Variants in NBEA observed in about 807,000 individuals in gnomAD.
NBEA encodes lysosomal-trafficking regulator 2.
In NBEA, 44 loss-of-function variants were observed where a neutral mutation model predicts 343.4. That is an observed-to-expected ratio of 0.13 (90% CI 0.10 to 0.16). The LOEUF is 0.16. NBEA is among the 10% of genes least tolerant of loss of function. The pLI, the probability that NBEA is intolerant of heterozygous loss-of-function variation, is 1.00. For missense variants in NBEA, 2,555 were observed against 3,631.3 expected, an observed-to-expected ratio of 0.70 and a Z score of 7.62; for synonymous variants, 1,175 against 1,238.7, an observed-to-expected ratio of 0.95 and a Z score of 1.08.
chr13:35,257,700 TA>T (rs1301903954), intron 34 of NBEA, among the ~76,000 whole-genome samples: 1 of 152,184 alleles, frequency 6.6e-6, no homozygotes, highest in African/African-American at 2.4e-5. Flanking sequence ...AAATCATTCT[TA>T]AAAAAATTTA....
At position 35,475,056 on chromosome 13, in the gene NBEA, C is replaced by T. The variant is rs992598508; in HGVS notation, c.6585+2520C>T. The T allele has an allele frequency of 8.7e-6, 14 of 1,609,784 alleles. No homozygotes were observed. In the South Asian group the frequency reaches 1.5e-4, roughly 18 times the overall value. On this transcript the variant is annotated intron_variant, in intron 41 of 58. Transcript: ENST00000379939. ...TAATTTCGGCTCTTGATTAAATCAT[C>T]CTCTAAAGTTTTTCCAAACTTTTCG...
intron 32 of NBEA, 64 bp from the exon 33 acceptor site, chr13:35,210,989 G>C (rs2073736344): frequency 6.8e-7 from 1 of 1,466,208 alleles, no homozygotes; most frequent in East Asian, 2.5e-5. Flanking sequence ...GATAGTAATG[G>C]TGTAATTAAA....
intron 49 of NBEA, among the ~76,000 whole-genome samples, chr13:35,644,194 CAAAA>C (rs2084105878): frequency 1.3e-5 from 2 of 152,112 alleles, no homozygotes; most frequent in African/African-American, 4.8e-5. Context: ...AGTATAGTCT[CAAAA>C]GAAATAAACG....
At chr13:35,392,824 G>A (rs993259208) in intron 38 of NBEA, among the ~76,000 whole-genome samples, 5 of 152,118 alleles carry the variant, frequency 3.3e-5, no homozygotes, top group African/African-American at 7.2e-5. Flanking sequence ...GAATGGTATC[G>A]TGCCTAGACC....
chr13:34,961,891 G>C (rs1205320505), intron 1 of NBEA, among the ~76,000 whole-genome samples: 1 of 152,018 alleles, frequency 6.6e-6, no homozygotes, highest in African/African-American at 2.4e-5. Flanking sequence ...CATGTGGCTA[G>C]TGAGCATTTA....
intron 47 of NBEA, among the ~76,000 whole-genome samples, chr13:35,603,752 A>G (rs976796318): frequency 1.1e-4 from 17 of 152,318 alleles, no homozygotes; most frequent in Admixed American, 9.2e-4. Context: ...ATGTGAGTCT[A>G]GTACATATAA....
intron 41 of NBEA, among the ~76,000 whole-genome samples, chr13:35,498,424 A>G (rs1325641580): frequency 3.3e-5 from 5 of 152,066 alleles, no homozygotes; most frequent in Non-Finnish European, 5.9e-5. Flanking sequence ...CTGATGGAAT[A>G]AGCCATAGTG....
chr13:35,216,357 A>C (rs930004700), intron 33 of NBEA, among the ~76,000 whole-genome samples: 2 of 151,912 alleles, frequency 1.3e-5, no homozygotes, highest in Admixed American at 1.3e-4. Flanking sequence ...TCATTTGCTT[A>C]TGTATTGCCT....
At chr13:35,151,114 TAAAAA>T (rs11450264) in intron 18 of NBEA, among the ~76,000 whole-genome samples, 1 of 134,828 alleles carries the variant, frequency 7.4e-6, no homozygotes, top group Non-Finnish European at 1.6e-5. Context: ...ACACTGGCTC[TAAAAA>T]AAAAAAAAAA....
At chr13:34,963,116 G>A (rs184920500) in intron 1 of NBEA, among the ~76,000 whole-genome samples, 2 of 151,958 alleles carry the variant, frequency 1.3e-5, no homozygotes, top group Non-Finnish European at 2.9e-5. Flanking sequence ...TTATATTAAC[G>A]TGAGTCTCTT....
intron 7 of NBEA, among the ~76,000 whole-genome samples, chr13:35,056,767 C>G (rs981490559): frequency 1.3e-5 from 2 of 152,084 alleles, no homozygotes; most frequent in African/African-American, 4.8e-5. Context: ...CCTTCATAAG[C>G]AAACAAGGCC....
At chr13:35,024,841 A>G (rs1437476374) in intron 1 of NBEA, among the ~76,000 whole-genome samples, 1 of 151,954 alleles carries the variant, frequency 6.6e-6, no homozygotes, top group African/African-American at 2.4e-5. Flanking sequence ...AACATCTATT[A>G]TTTGCTGATT....
At chr13:35,563,515 A>G (rs1356272231) in intron 44 of NBEA, among the ~76,000 whole-genome samples, 1 of 151,930 alleles carries the variant, frequency 6.6e-6, no homozygotes, top group East Asian at 1.9e-4. Context: ...CATTAAATAC[A>G]TTGTGCATTT....
chr13:35,380,896 T>C (rs1238512410), intron 38 of NBEA, among the ~76,000 whole-genome samples: 2 of 152,156 alleles, frequency 1.3e-5, no homozygotes, highest in African/African-American at 2.4e-5. Context: ...TAGTCATAGG[T>C]TGTTTGTTTC....
At chr13:35,622,990 A>G (rs2083062203) in intron 48 of NBEA, among the ~76,000 whole-genome samples, 1 of 152,204 alleles carries the variant, frequency 6.6e-6, no homozygotes, top group Non-Finnish European at 1.5e-5. Flanking sequence ...TTATCCATCT[A>G]AGAGATATCC....
At chr13:35,115,078 A>G (rs978053607) in intron 13 of NBEA, among the ~76,000 whole-genome samples, 1 of 152,078 alleles carries the variant, frequency 6.6e-6, no homozygotes, top group Non-Finnish European at 1.5e-5. Flanking sequence ...GAGATATATT[A>G]AAAATATTAT....
In NBEA at chr13:35,159,925, G is replaced by T. The variant is rs957955107; in HGVS notation, c.3754G>T (p.Val1252Leu). Reference sequence around the variant, plus strand: ...AACTGAGTCTTCTAGTAGCAAAATTGTACCAAATATTGATGCAGGAAGTAT... The same window carrying T: ...AACTGAGTCTTCTAGTAGCAAAATTTTACCAAATATTGATGCAGGAAGTAT... ...LETESSSSKI[V>L]PNIDAGSIIS... The change falls in exon 22 of 59, where the codon GTA (valine) becomes TTA (leucine). Residue 1252 changes from valine (V) to leucine (L), a missense_variant. This residue lies in a region of NBEA where 367 missense variants were observed against 377.5 expected (regional missense o/e 0.97). Transcript: ENST00000379939. 6.3e-7 allele frequency: 1 copy of T among 1,594,650 alleles called. No homozygotes were observed. Among genetic ancestry groups the T allele is most frequent in the Middle Eastern group, 1.7e-4 (1 of 6,030 alleles).
At chr13:35,630,517 T>G (rs929612755) in intron 49 of NBEA, among the ~76,000 whole-genome samples, 1 of 152,230 alleles carries the variant, frequency 6.6e-6, no homozygotes, top group Non-Finnish European at 1.5e-5. Context: ...ATGCAGACTC[T>G]CTGCTACTAG....
At chr13:35,096,286 T>C (rs73167762) in intron 10 of NBEA, among the ~76,000 whole-genome samples, 2,990 of 151,746 alleles carry the variant, frequency 0.02, 43 homozygotes, top group Middle Eastern at 0.034. Flanking sequence ...TGAATGCATT[T>C]GACATTTCAA....
Sources: gnomAD v4.1 joint callset for allele counts (sites outside exome capture counted in the v4.1 genomes callset) on GRCh38, gnomAD v4.1.1 for gene constraint, gnomAD v4.1.1 regional missense constraint, MANE v1.5 for transcripts, NCBI Gene and HGNC (gene_info 2026-07-23, HGNC 2026-07-21) for gene names.